Variants in FAM83H observed in about 807,000 individuals in gnomAD.
FAM83H encodes the protein protein FAM83H.
Under a neutral mutation model 30.2 loss-of-function variants are expected in FAM83H, and 24 were observed. That is an observed-to-expected ratio of 0.79 (90% CI 0.57 to 1.12). The LOEUF (loss-of-function observed/expected upper bound fraction) is 1.12. Ranked by LOEUF, FAM83H falls within the 50% of genes most tolerant of loss-of-function variation. The pLI is 0.00. For synonymous variants in FAM83H, 1,013 were observed against 821.7 expected, an observed-to-expected ratio of 1.23 and a Z score of -3.98; for missense variants, 2,038 against 1,773.9, an observed-to-expected ratio of 1.15 and a Z score of -2.67.
Position 143,726,625 on chromosome 8 carries a change from G to C in FAM83H, c.2836C>G (p.Pro946Ala). ...SLTLTISGES[P>A]KAGPAEEGPS... is the part of the protein sequence containing the mutation. ...CCCTCCTCCGCGGGCCCGGCCTTCGGGGACTCCCCGGAGATGGTAAGGGTG... is the reference window on the plus strand; with the variant it reads ...CCCTCCTCCGCGGGCCCGGCCTTCGCGGACTCCCCGGAGATGGTAAGGGTG... The change falls in exon 5 of 5, where the codon CCG (proline) becomes GCG (alanine). Residue 946 changes from proline (P) to alanine (A), a missense_variant. Pro to Ala is a conservative substitution (Grantham distance 27, BLOSUM62 -1). Coordinates refer to ENST00000388913, the MANE Select transcript of FAM83H (RefSeq NM_198488.5). The C allele has an allele frequency of 5.0e-6, 8 of 1,598,708 alleles. No homozygotes were observed. The highest frequency in any genetic ancestry group is 6.8e-6 in the Non-Finnish European group (8 of 1,178,032).
At position 143,729,056 on chromosome 8, in the gene FAM83H, G is replaced by A; in HGVS notation, c.648C>T (p.Tyr216=). ...TGAAGGACTTCCCAGTGCGGCAGTA[G>A]TAGGTGGGGCCCGCCACAGTCCGTA... The part of the protein sequence containing the change: ...LRVRTVAGPT[Y]YCRTGKSFKG... Residue 216 remains tyrosine (Y), a synonymous_variant, in exon 4 of 5, where the codon TAC becomes TAT. Coordinates refer to ENST00000388913, the MANE Select transcript of FAM83H (RefSeq NM_198488.5). The A allele has an allele frequency of 6.2e-7, 1 of 1,613,586 alleles. No homozygotes were observed. Among genetic ancestry groups the A allele is most frequent in the Non-Finnish European group, 8.5e-7 (1 of 1,180,006 alleles).
Position 143,725,945 on chromosome 8 carries a change from C to G in FAM83H, c.3516G>C (p.Leu1172=), listed in dbSNP as rs1554621457. The G allele has an allele frequency of 6.2e-7, 1 of 1,613,012 alleles. No individual in the cohort carries two copies. Residue 1172 remains leucine, a synonymous_variant, in exon 5 of 5, where the codon CTG becomes CTC. Coordinates refer to ENST00000388913, the MANE Select transcript of FAM83H (RefSeq NM_198488.5). The part of the protein sequence containing the change: ...SKVGKFVPKI[L]GTFKSKK ...CTCACTTCTTGCTTTTGAACGTGCC[C>G]AGGATCTTGGGCACGAACTTGCCCA...
At position 143,727,122 on chromosome 8, in the gene FAM83H, C is replaced by G. The variant is rs1202178172; in HGVS notation, c.2339G>C (p.Gly780Ala). ...GCTCTCGAGGCTGCGGCGCTCGCCC[C>G]CCACGGCACCTGGGGCCGCCACCTC... Reference protein sequence around the residue: ...REEVAAPGAVGGERRSLESCL... With the variant: ...REEVAAPGAVAGERRSLESCL... The change falls in exon 5 of 5, where the codon GGG becomes GCG. Residue 780 changes from glycine (G) to alanine (A), a missense_variant. By Grantham distance (60) the Gly-to-Ala change is moderately conservative. Coordinates refer to ENST00000388913, the MANE Select transcript of FAM83H (RefSeq NM_198488.5). 4 of 1,535,004 alleles carry G rather than the reference C, an allele frequency of 2.6e-6. No homozygotes were observed. The East Asian group carries it at 9.8e-5, about 38-fold the overall frequency.
Position 143,724,536 on chromosome 8 carries a change from G to GATT in FAM83H, c.*1382_*1384dup, listed in dbSNP as rs1486560845. On this transcript the variant is annotated 3_prime_UTR_variant, in exon 5 of 5. Transcript: ENST00000388913. The stretch of plus-strand genomic sequence containing the variant: ...AAAGATAAGCCAAGAACCCTGGACA[G>GATT]ATTCTTGGTGTTGGTGACAAAGAGG... 5.9e-5 allele frequency: 9 copies of GATT among 152,190 alleles called. No homozygotes were observed. Among genetic ancestry groups the GATT allele is most frequent in the African/African-American group, 1.9e-4 (8 of 41,438 alleles). The allele number at this position is 152,190 out of a possible 1,614,324, so 9.4% of individuals were successfully genotyped here.
Position 143,729,162 on chromosome 8 carries a change from C to A in FAM83H, c.609G>T (p.Val203=). Residue 203 remains valine (V), a synonymous_variant, in exon 3 of 5, where the codon GTG becomes GTT. Coordinates refer to ENST00000388913, the MANE Select transcript of FAM83H (RefSeq NM_198488.5). ...ADKCRVNLQH[V]DFLRVRTVAG... is the part of the protein sequence containing the mutation. ...TCTCCCACTCCCGGGAACTCACATC[C>A]ACGTGCTGCAGGTTGACACGGCACT... 6.2e-7 allele frequency: 1 copy of A among 1,613,710 alleles called. No individual in the cohort carries two copies. Among genetic ancestry groups the A allele is most frequent in the East Asian group, 2.2e-5 (1 of 44,874 alleles).
intron 1 of FAM83H, chr8:143,732,393 G>A (rs1222002962): frequency 2.0e-6 from 2 of 985,404 alleles, no homozygotes; most frequent in Non-Finnish European, 1.2e-6. Flanking sequence ...TGGCTGGGCC[G>A]AGGAGCCCAC....
Position 143,729,259 on chromosome 8 carries a change from G to T in FAM83H, c.512C>A (p.Ala171Glu). The T allele has an allele frequency of 6.2e-7, 1 of 1,613,364 alleles. No individual in the cohort carries two copies. The highest frequency in any genetic ancestry group is 8.5e-7 in the Non-Finnish European group (1 of 1,180,000). The change falls in exon 3 of 5, where the codon GCG (alanine) becomes GAG (glutamate). Residue 171 changes from alanine to glutamate, a missense_variant. Ala to Glu is a moderately radical substitution (Grantham distance 107). Transcript: ENST00000388913. ...VDLLSEVLEAAARRVPVYILL... is the reference protein window; with the variant it reads ...VDLLSEVLEAEARRVPVYILL... ...GATGTAGACTGGGACCCGACGGGCCGCGGCCTCCAGCACTTCGCTGAGCAG... is the reference window on the plus strand; with the variant it reads ...GATGTAGACTGGGACCCGACGGGCCTCGGCCTCCAGCACTTCGCTGAGCAG...
rs782110273 is a variant in FAM83H at position 143,727,289 on chromosome 8, C to T, written c.2172G>A (p.Glu724=). ...TGGTGGAAGCCGCGGAGCGCACGGC[C>T]TCTCCGCCGGGCCCCAGCGTCTCGC... ...TVSETLGPGG[E]AVRSAASTKV... is the part of the protein sequence containing the mutation. Residue 724 remains glutamate, a synonymous_variant, in exon 5 of 5, where the codon GAG becomes GAA. Coordinates refer to ENST00000388913, the MANE Select transcript of FAM83H (RefSeq NM_198488.5). The T allele has an allele frequency of 2.6e-6, 4 of 1,537,386 alleles. No homozygotes were observed. The highest frequency in any genetic ancestry group is 2.0e-5 in the Admixed American group (1 of 51,156).
chr8:143,727,854 G>C lies in FAM83H; in HGVS notation c.1607C>G (p.Pro536Arg), dbSNP rs1361147793. The C allele has an allele frequency of 2.6e-5, 34 of 1,329,836 alleles. No homozygotes were observed. The highest frequency in any genetic ancestry group is 3.1e-5 in the Non-Finnish European group (32 of 1,048,332). The allele number at this position is 1,329,836 out of a possible 1,614,324, so 82.4% of individuals were successfully genotyped here. ...CAGGTTGGGGCGCGGGGCTCCGCTG[G>C]GCTCCAGGCCGCGGGGTCCGGGCGC... ...AFAPGPRGLE[P>R]SGAPRPNLTQ... The change falls in exon 5 of 5, where the codon CCC becomes CGC. Residue 536 changes from proline (P) to arginine (R), a missense_variant. Pro to Arg is a moderately radical substitution (Grantham distance 103). Coordinates refer to ENST00000388913, the MANE Select transcript of FAM83H (RefSeq NM_198488.5).
rs3934952 is a variant in FAM83H at position 143,725,574 on chromosome 8, G to A, written c.*347C>T. On this transcript the variant is annotated 3_prime_UTR_variant, in exon 5 of 5. Coordinates refer to ENST00000388913, the MANE Select transcript of FAM83H (RefSeq NM_198488.5). ...CCGCTCAACTGCACTCCAGCCCTAG[G>A]TCTCAAAAAAATAAAGGGGGCGGGG... 0.65 allele frequency: 262,777 copies of A among 402,866 alleles called. 93,549 individuals carry two copies. The highest frequency in any genetic ancestry group is 0.76 in the Non-Finnish European group (164,602 of 217,498). 25.0% of individuals were successfully genotyped at this position (402,866 alleles called of 1,614,324 possible).
chr8:143,728,117 G>C lies in FAM83H; in HGVS notation c.1344C>G (p.Phe448Leu). Residue 448 changes from phenylalanine to leucine, a missense_variant, in exon 5 of 5, where the codon TTC becomes TTG. By Grantham distance (22) the Phe-to-Leu change is conservative. Transcript: ENST00000388913. ...GDDFRFQTSHFHRDQLYQQQY... is the reference protein window; with the variant it reads ...GDDFRFQTSHLHRDQLYQQQY... ...GCTGCTGGTAGAGCTGGTCACGGTG[G>C]AAGTGGCTGGTCTGGAAGCGGAAGT... 6.2e-7 allele frequency: 1 copy of C among 1,610,736 alleles called. No individual in the cohort carries two copies. The highest frequency in any genetic ancestry group is 8.5e-7 in the Non-Finnish European group (1 of 1,179,262).
In FAM83H at chr8:143,727,113, C is replaced by T. The variant is rs891080766; in HGVS notation, c.2348G>A (p.Arg783His). Residue 783 changes from arginine to histidine, a missense_variant, in exon 5 of 5, where the codon CGC becomes CAC. Transcript: ENST00000388913. ...VAAPGAVGGE[R>H]RSLESCLLDL... ...CAGCAGGCAGCTCTCGAGGCTGCGG[C>T]GCTCGCCCCCCACGGCACCTGGGGC... 3.9e-6 allele frequency: 6 copies of T among 1,535,456 alleles called. No individual in the cohort carries two copies. The highest frequency in any genetic ancestry group is 3.9e-5 in the Admixed American group (2 of 51,128).
chr8:143,730,064 A>T (rs1818457833), intron 2 of FAM83H, 72 bp downstream of exon 2: 1 of 1,328,240 alleles, frequency 7.5e-7, no homozygotes, highest in Non-Finnish European at 1.0e-6. Flanking sequence ...GATCATGCTC[A>T]TGCATCTCCT....
intron 2 of FAM83H, among the ~76,000 whole-genome samples, 182 bp downstream of exon 2, chr8:143,729,954 G>A (rs1818453629): frequency 6.6e-6 from 1 of 152,140 alleles, no homozygotes; most frequent in South Asian, 2.1e-4. Flanking sequence ...AAGCAGACCT[G>A]TGCAGAGCCT....
Position 143,730,394 on chromosome 8 carries a change from A to C in FAM83H, c.189T>G (p.His63Gln), listed in dbSNP as rs1001587348. ...PDFLCPEELE[H>Q]VSRHLRPPQY... is the part of the protein sequence containing the mutation. ...GCGGAGGCCGAAGGTGTCGGCTCAC[A>C]TGTTCCAGCTCTTCAGGGCACAGGA... Residue 63 changes from histidine to glutamine, a missense_variant, in exon 2 of 5, where the codon CAT (histidine) becomes CAG (glutamine). By Grantham distance (24) the His-to-Gln change is conservative (BLOSUM62 0). Transcript: ENST00000388913. The C allele has an allele frequency of 6.2e-7, 1 of 1,613,328 alleles. No individual in the cohort carries two copies. Among genetic ancestry groups the C allele is most frequent in the Admixed American group, 1.7e-5 (1 of 60,008 alleles).
chr8:143,728,071 G>A lies in FAM83H; in HGVS notation c.1390C>T (p.Leu464Phe). The change falls in exon 5 of 5, where the codon CTC becomes TTC. Residue 464 changes from leucine (L) to phenylalanine (F), a missense_variant. By Grantham distance (22) the Leu-to-Phe change is conservative. Coordinates refer to ENST00000388913, the MANE Select transcript of FAM83H (RefSeq NM_198488.5). Reference sequence around the variant, plus strand: ...AGGCCTTGCGGGCGCGCCGGCGTGAGCTGCGGGTCCCACTGGTACTGCTGC... The same window carrying A: ...AGGCCTTGCGGGCGCGCCGGCGTGAACTGCGGGTCCCACTGGTACTGCTGC... The part of the protein sequence containing the change: ...YQQQYQWDPQ[L>F]TPARPQGLFE... 3 of 1,610,540 alleles carry A rather than the reference G, an allele frequency of 1.9e-6. No homozygotes were observed. The highest frequency in any genetic ancestry group is 2.5e-6 in the Non-Finnish European group (3 of 1,179,278).
chr8:143,730,030 G>C, intron 2 of FAM83H, 106 bp downstream of exon 2: 1 of 1,057,520 alleles, frequency 9.5e-7, no homozygotes, highest in Non-Finnish European at 1.3e-6. Flanking sequence ...ACTCCAGCTG[G>C]AGCTCAGGCT....
Position 143,725,875 on chromosome 8 carries a change from G to A in FAM83H, c.*46C>T. On this transcript the variant is annotated 3_prime_UTR_variant, in exon 5 of 5. Coordinates refer to ENST00000388913, the MANE Select transcript of FAM83H (RefSeq NM_198488.5). The stretch of plus-strand genomic sequence containing the variant: ...GTTCCGCGGGGCTTCTGGATGACCG[G>A]GGCAGCGATGCGGGCACCCTGGCCT... 1 of 1,602,582 alleles carries A rather than the reference G, an allele frequency of 6.2e-7. No individual in the cohort carries two copies. Among genetic ancestry groups the A allele is most frequent in the Non-Finnish European group, 8.5e-7 (1 of 1,174,558 alleles).
rs536735298 is a variant in FAM83H, at chr8:143,727,172, G to A, written c.2289C>T (p.Ala763=). The A allele has an allele frequency of 2.0e-6, 3 of 1,533,890 alleles. No homozygotes were observed. Among genetic ancestry groups the A allele is most frequent in the Middle Eastern group, 1.8e-4 (1 of 5,604 alleles). The change falls in exon 5 of 5, where the codon GCC becomes GCT. Residue 763 remains alanine, a synonymous_variant. Coordinates refer to ENST00000388913, the MANE Select transcript of FAM83H (RefSeq NM_198488.5). ...CTTCCCGCCACGCCTGGGACACGAC[G>A]GCCTTGCTGTGGCTGGCAACGGTGA... ...GAITVASHSK[A]VVSQAWREEV...
Sources: allele counts gnomAD v4.1 joint callset (sites outside exome capture counted in the v4.1 genomes callset), GRCh38; gene constraint gnomAD v4.1.1; transcripts MANE v1.5; gene names NCBI Gene and HGNC (gene_info 2026-07-23, HGNC 2026-07-21).